The following MARK3 variants were observed in gnomAD, a reference collection of about 807,000 sequenced individuals.
MARK3 encodes microtubule affinity regulating kinase 3.
In MARK3, 46 loss-of-function variants were observed where a neutral mutation model predicts 90.1. The ratio of observed to expected loss-of-function variants is 0.51; its 90% CI spans 0.40 to 0.65. MARK3 has a LOEUF of 0.65. Ranked by LOEUF, MARK3 falls within the 30% of genes least tolerant of loss-of-function variation. MARK3 has a pLI of 0.00. For synonymous variants in MARK3, 321 were observed against 332.6 expected (o/e 0.97, Z 0.38); for missense variants, 818 against 947.2 (o/e 0.86, Z 1.79).
At chr14:103,489,293 A>G (rs2093979841) in intron 14 of MARK3, 1 of 152,272 alleles carries the variant, frequency 6.6e-6, no homozygotes, top group Non-Finnish European at 1.5e-5. Flanking sequence ...GGAAGGCTAG[A>G]AAGTTGAGTT....
At chr14:103,423,362 T>TC (rs1262939158) in intron 2 of MARK3, among the ~76,000 whole-genome samples, 2 of 152,148 alleles carry the variant, frequency 1.3e-5, no homozygotes, top group African/African-American at 4.8e-5. Flanking sequence ...GAGAAGCCCA[T>TC]CTCATGTATG....
intron 12 of MARK3, among the ~76,000 whole-genome samples, chr14:103,474,581 A>C (rs2141749046): frequency 6.6e-6 from 1 of 152,300 alleles, no homozygotes; most frequent in East Asian, 1.9e-4. Context: ...GTGGCCCATA[A>C]AATCTATACT....
At chr14:103,438,022 C>G (rs2092757275) in intron 3 of MARK3, among the ~76,000 whole-genome samples, 1 of 152,094 alleles carries the variant, frequency 6.6e-6, no homozygotes, top group Admixed American at 6.6e-5. Context: ...TTCTTTGAGA[C>G]AGAGTTTTGC....
intron 2 of MARK3, among the ~76,000 whole-genome samples, chr14:103,409,818 G>C (rs767754267): frequency 4.6e-5 from 7 of 152,146 alleles, no homozygotes; most frequent in Non-Finnish European, 8.8e-5. Flanking sequence ...TGGTACCATA[G>C]TTTATTTCCT....
At chr14:103,422,339 C>G (rs1390197505) in intron 2 of MARK3, among the ~76,000 whole-genome samples, 1 of 152,174 alleles carries the variant, frequency 6.6e-6, no homozygotes, top group Non-Finnish European at 1.5e-5. Context: ...CCTGTAGTCC[C>G]AGCTACTTGA....
At chr14:103,456,513 C>CG (rs1235141200) in intron 5 of MARK3, among the ~76,000 whole-genome samples, 2 of 152,226 alleles carry the variant, frequency 1.3e-5, no homozygotes, top group African/African-American at 4.8e-5. Flanking sequence ...TCCACACCCT[C>CG]AAGTAGTCAG....
At chr14:103,405,845 C>T (rs568781643) in intron 2 of MARK3, among the ~76,000 whole-genome samples, 1 of 150,034 alleles carries the variant, frequency 6.7e-6, no homozygotes, top group African/African-American at 2.5e-5. Flanking sequence ...GATCCACCTG[C>T]CTTGGCCTCC....
chr14:103,400,574 A>C (rs1418155987), intron 1 of MARK3, among the ~76,000 whole-genome samples: 1 of 152,148 alleles, frequency 6.6e-6, no homozygotes, highest in Non-Finnish European at 1.5e-5. Flanking sequence ...GCTTTTGAGT[A>C]CCCATTATGT....
At chr14:103,501,913 C>T (rs1043010835) in intron 17 of MARK3, among the ~76,000 whole-genome samples, 4 of 152,154 alleles carry the variant, frequency 2.6e-5, no homozygotes, top group Admixed American at 2.6e-4. Flanking sequence ...GAGCTATGTG[C>T]ATATGCAAAA....
At position 103,502,976 on chromosome 14, in the gene MARK3, G is replaced by C; in HGVS notation, c.2011G>C (p.Asp671His). Residue 671 changes from aspartate to histidine, a missense_variant, in exon 18 of 18, where the codon GAT (aspartate) becomes CAT (histidine). Physicochemically the swap from Asp to His is moderately conservative, Grantham distance 81 (BLOSUM62 -1). Coordinates refer to ENST00000429436, the MANE Select transcript of MARK3 (RefSeq NM_001128918.3). ...TWSMKTTSSM[D>H]PGDMMREIRK... ...GAGCATGAAAACCACTAGTTCAATG[G>C]ATCCCGGGGACATGATGCGGGAAAT... The C allele has an allele frequency of 6.2e-7, 1 of 1,614,252 alleles. No individual in the cohort carries two copies.
chr14:103,455,746 A>G (rs1460919416), intron 5 of MARK3, among the ~76,000 whole-genome samples: 6 of 149,366 alleles, frequency 4.0e-5, no homozygotes, highest in Non-Finnish European at 9.0e-5. Context: ...AAAAAAAAGC[A>G]TTATGCAATC....
chr14:103,473,705 C>T (rs1468117292), intron 12 of MARK3, among the ~76,000 whole-genome samples: 1 of 152,070 alleles, frequency 6.6e-6, no homozygotes, highest in Admixed American at 6.6e-5. Context: ...CCTCCCCACT[C>T]CCGGTTTTTG....
chr14:103,430,682 C>T (rs922567131), intron 3 of MARK3, among the ~76,000 whole-genome samples: 12 of 152,102 alleles, frequency 7.9e-5, no homozygotes, highest in Non-Finnish European at 1.5e-4. Flanking sequence ...GTTAAAATAT[C>T]GGTTTCATGA....
At chr14:103,423,195 G>A (rs1212489492) in intron 2 of MARK3, among the ~76,000 whole-genome samples, 1 of 23,382 alleles carries the variant, frequency 4.3e-5, no homozygotes, top group East Asian at 1.6e-3. Flanking sequence ...TAGAGGACTT[G>A]CAGTCTTTTT....
chr14:103,395,790 A>G (rs993344307), intron 1 of MARK3, among the ~76,000 whole-genome samples: 3 of 152,194 alleles, frequency 2.0e-5, no homozygotes, highest in Non-Finnish European at 4.4e-5. Context: ...TCTGTCTTAT[A>G]TAGCATCTGA....
At chr14:103,431,787 T>G (rs1279987556) in intron 3 of MARK3, among the ~76,000 whole-genome samples, 1 of 152,200 alleles carries the variant, frequency 6.6e-6, no homozygotes, top group African/African-American at 2.4e-5. Flanking sequence ...TTCTAGAAAC[T>G]TCTACAACAC....
chr14:103,494,543 T>TCAA, intron 15 of MARK3, among the ~76,000 whole-genome samples: 1 of 12,384 alleles, frequency 8.1e-5, no homozygotes, highest in Non-Finnish European at 1.8e-4. Context: ...AAACTCTGTC[T>TCAA]CAAAAAAAAA....
At chr14:103,432,942 A>G (rs182482839) in intron 3 of MARK3, among the ~76,000 whole-genome samples, 41 of 152,280 alleles carry the variant, frequency 2.7e-4, no homozygotes, top group African/African-American at 9.1e-4. Context: ...GAAACAGAAC[A>G]ATAGACCACA....
intron 12 of MARK3, among the ~76,000 whole-genome samples, chr14:103,473,539 A>G (rs1373727800): frequency 1.3e-5 from 2 of 152,210 alleles, no homozygotes; most frequent in African/African-American, 4.8e-5. Flanking sequence ...TGAGGCTAAT[A>G]TCACCCTATG....
Sources: gnomAD v4.1 joint callset for allele counts (sites outside exome capture counted in the v4.1 genomes callset) on GRCh38, gnomAD v4.1.1 for gene constraint, MANE v1.5 for transcripts, NCBI Gene and HGNC (gene_info 2026-07-23, HGNC 2026-07-21) for gene names.